Variants in EEF2 observed in about 807,000 individuals in gnomAD.
EEF2 encodes the protein eukaryotic translation elongation factor 2, also known as elongation factor 2.
Under a neutral mutation model 85.3 loss-of-function variants are expected in EEF2, and 21 were observed. That is an observed-to-expected ratio of 0.25 (90% CI 0.17 to 0.35). The LOEUF (loss-of-function observed/expected upper bound fraction) is 0.35. EEF2 is among the 10% of genes least tolerant of loss of function. The pLI is 1.00. For missense variants in EEF2, 825 were observed against 1,225.3 expected, an observed-to-expected ratio of 0.67 and a Z score of 4.88; for synonymous variants, 723 against 508.8, an observed-to-expected ratio of 1.42 and a Z score of -5.67.
intron 11 of EEF2, 57 bp downstream of exon 11, chr19:3,979,272 A>G (rs2039715469): frequency 7.1e-7 from 1 of 1,410,142 alleles, no homozygotes; most frequent in Non-Finnish European, 1.0e-6. Context: ...TCAGCTTTAA[A>G]GCAGAGGGCA....
At chr19:3,985,083 G>GC (rs1339892532) in intron 1 of EEF2, 1 of 378,364 alleles carries the variant, frequency 2.6e-6, no homozygotes, top group Non-Finnish European at 4.7e-6. Flanking sequence ...CCACCGCGGT[G>GC]CCCGCCATTA....
At chr19:3,981,730 C>T (rs1236359963) in intron 6 of EEF2, among the ~76,000 whole-genome samples, 1 of 152,242 alleles carries the variant, frequency 6.6e-6, no homozygotes, top group Admixed American at 6.5e-5. Flanking sequence ...TTATTCAACC[C>T]CCTCAATGCA....
At position 3,980,932 on chromosome 19, in the gene EEF2, C is replaced by A; in HGVS notation, c.1059G>T (p.Met353Ile). The change falls in exon 8 of 15, where the codon ATG becomes ATT. Residue 353 changes from methionine to isoleucine, a missense_variant. Coordinates refer to ENST00000309311, the MANE Select transcript of EEF2 (RefSeq NM_001961.4). The stretch of plus-strand genomic sequence containing the variant: ...CAGGGGAGGGCAGGTGGATGGTGAT[C>A]ATCTGCAACAAGGCGTCTCCGGCAG... ...WLPAGDALLQ[M>I]ITIHLPSPVT... The A allele has an allele frequency of 6.4e-7, 1 of 1,572,466 alleles. No homozygotes were observed. Among genetic ancestry groups the A allele is most frequent in the Non-Finnish European group, 8.6e-7 (1 of 1,159,754 alleles).
Position 3,982,858 on chromosome 19 carries a change from G to A in EEF2, c.561C>T (p.Val187=). Residue 187 remains valine, a synonymous_variant, in exon 4 of 15, where the codon GTC becomes GTT. Transcript: ENST00000309311. ...TFQRIVENVN[V]IISTYGEGES... is the part of the protein sequence containing the mutation. ...CGCCCTCGCCGTAGGTGGAGATGAT[G>A]ACGTTCACGTTCTCCACGATGCGCT... is the stretch of plus-strand genomic sequence containing the variant. The A allele has an allele frequency of 6.2e-7, 1 of 1,613,618 alleles. No individual in the cohort carries two copies. Among genetic ancestry groups the A allele is most frequent in the Non-Finnish European group, 8.5e-7 (1 of 1,179,968 alleles).
intron 2 of EEF2, 93 bp from the exon 3 acceptor site, chr19:3,983,384 C>T: frequency 4.4e-6 from 6 of 1,374,672 alleles, no homozygotes; most frequent in Non-Finnish European, 5.9e-6. Flanking sequence ...GCTCCTCCCT[C>T]CATGACTCAT....
At position 3,979,875 on chromosome 19, in the gene EEF2, T is replaced by A. The variant is rs2145359785; in HGVS notation, c.1538A>T (p.Asn513Ile). The change falls in exon 10 of 15, where the codon AAC (asparagine) becomes ATC (isoleucine). Residue 513 changes from asparagine (N) to isoleucine (I), a missense_variant. Physicochemically the swap from Asn to Ile is moderately radical, Grantham distance 149. Transcript: ENST00000309311. ...PVVRVAVEAK[N>I]PADLPKLVEG... ...CACCAGCTTGGGCAGGTCAGCCGGG[T>A]TCTTGGCCTCCACGGCCACTCTGAC... is the stretch of plus-strand genomic sequence containing the variant. The A allele has an allele frequency of 6.2e-7, 1 of 1,613,776 alleles. No homozygotes were observed.
rs2039733691 is a variant in EEF2 at position 3,980,614 on chromosome 19, C to T, written c.1246G>A (p.Val416Ile). 1.2e-6 allele frequency: 2 copies of T among 1,614,226 alleles called. No individual in the cohort carries two copies. Among genetic ancestry groups the T allele is most frequent in the Non-Finnish European group, 1.7e-6 (2 of 1,180,036 alleles). Residue 416 changes from valine (V) to isoleucine (I), a missense_variant, in exon 9 of 15, where the codon GTC becomes ATC. Transcript: ENST00000309311. Reference protein sequence around the residue: ...DKGRFYAFGRVFSGLVSTGLK... With the variant: ...DKGRFYAFGRIFSGLVSTGLK... Reference sequence around the variant, plus strand: ...CCAGTGGAGACCAGCCCCGAGAAGACTCGTCCAAAGGCGTAGAACCGACCT... The same window carrying T: ...CCAGTGGAGACCAGCCCCGAGAAGATTCGTCCAAAGGCGTAGAACCGACCT...
chr19:3,984,931 G>A (rs1056047055), intron 1 of EEF2: 6 of 183,558 alleles, frequency 3.3e-5, no homozygotes, highest in East Asian at 1.4e-4. Context: ...TCAGGAGAAG[G>A]TATTTGGAAG....
Position 3,980,507 on chromosome 19 carries a change from TG to T in EEF2, c.1346+6del. ...CCAAGGGGCCTGCACATCACCCAGC[TG>T]CTCACCTCTGGATTGGCTTCAGGTA... On this transcript the variant is annotated splice_donor_region_variant and intron_variant, in intron 9 of 14. Transcript: ENST00000309311. The T allele has an allele frequency of 6.2e-7, 1 of 1,609,274 alleles. No individual in the cohort carries two copies. Among genetic ancestry groups the T allele is most frequent in the East Asian group, 2.2e-5 (1 of 44,758 alleles).
In EEF2 at chr19:3,985,420, A is replaced by C. The variant is rs781225811; in HGVS notation, c.-40T>G. ...GTGGATTCTCCCAGGTAGAACCGAA[A>C]GAAGCGAGTCGCGCCGAGGATGGCG... On this transcript the variant is annotated 5_prime_UTR_variant, in exon 1 of 15. Coordinates refer to ENST00000309311, the MANE Select transcript of EEF2 (RefSeq NM_001961.4). 1 of 1,479,262 alleles carries C rather than the reference A, an allele frequency of 6.8e-7. No individual in the cohort carries two copies. The highest frequency in any genetic ancestry group is 9.0e-7 in the Non-Finnish European group (1 of 1,108,028). 91.6% of individuals were successfully genotyped at this position (1,479,262 alleles called of 1,614,324 possible).
chr19:3,979,616 G>A (rs866594633), intron 10 of EEF2, among the ~76,000 whole-genome samples, 180 bp from the exon 11 acceptor site: 6 of 152,250 alleles, frequency 3.9e-5, no homozygotes, highest in Non-Finnish European at 7.3e-5. Flanking sequence ...CAGTGAACAC[G>A]CGCAGAGCAG....
At chr19:3,984,549 T>C (rs1489590483) in intron 1 of EEF2, among the ~76,000 whole-genome samples, 199 bp from the exon 2 acceptor site, 2 of 152,152 alleles carry the variant, frequency 1.3e-5, no homozygotes, top group African/African-American at 4.8e-5. Flanking sequence ...CGTTAATAGG[T>C]GTCATTCATG....
At chr19:3,983,677 G>T (rs1568202830) in intron 2 of EEF2, among the ~76,000 whole-genome samples, 1 of 152,118 alleles carries the variant, frequency 6.6e-6, no homozygotes, top group East Asian at 1.9e-4. Context: ...GCCTTAGCCA[G>T]AGTCCCTCAC....
intron 1 of EEF2, 103 bp from the exon 2 acceptor site, chr19:3,984,453 G>A: frequency 1.5e-6 from 2 of 1,327,556 alleles, no homozygotes; most frequent in Non-Finnish European, 2.1e-6. Context: ...GGCCAGGAGG[G>A]GGTTGGTGCT....
chr19:3,982,707 A>T (rs1167707177), intron 4 of EEF2, 100 bp downstream of exon 4: 1 of 1,368,462 alleles, frequency 7.3e-7, no homozygotes, highest in Non-Finnish European at 1.0e-6. Flanking sequence ...CATTCCTGGC[A>T]AAAACACACT....
At chr19:3,978,264 A>T (rs1364340459) in intron 11 of EEF2, 92 bp from the exon 12 acceptor site, 3 of 1,146,220 alleles carry the variant, frequency 2.6e-6, no homozygotes, top group African/African-American at 3.1e-5. Flanking sequence ...AGCAAGGCGG[A>T]CCTCATACAG....
In EEF2 at chr19:3,976,530, G is replaced by T. The variant is rs199563875; in HGVS notation, c.*24C>A. ...TGTGGGTGCTGCGAGTCCCCGGGGC[G>T]GCAGGCGCTGCAGGAAGGGCCGCCT... On this transcript the variant is annotated 3_prime_UTR_variant, in exon 15 of 15. Transcript: ENST00000309311. The T allele has an allele frequency of 7.7e-5, 122 of 1,585,092 alleles. No individual in the cohort carries two copies. In the African/African-American group the frequency reaches 1.3e-3, roughly 17 times the overall value.
At chr19:3,980,413 T>C in intron 9 of EEF2, 101 bp downstream of exon 9, 2 of 1,394,256 alleles carry the variant, frequency 1.4e-6, no homozygotes, top group South Asian at 1.4e-5. Flanking sequence ...ATATTCCTTC[T>C]ATGCTCCTTA....
At chr19:3,984,478 C>T in intron 1 of EEF2, 128 bp from the exon 2 acceptor site, 2 of 980,954 alleles carry the variant, frequency 2.0e-6, no homozygotes, top group Admixed American at 2.1e-5. Context: ...TGCCCCAAGC[C>T]CACCGAATCT....
Sources: allele counts gnomAD v4.1 joint callset (sites outside exome capture counted in the v4.1 genomes callset), GRCh38; gene constraint gnomAD v4.1.1; transcripts MANE v1.5; gene names NCBI Gene and HGNC (gene_info 2026-07-23, HGNC 2026-07-21).